NBAS: variants seen among roughly 807,000 people sequenced by gnomAD.
NBAS encodes NAG/BC035112 fusion.
NBAS carries 219 observed loss-of-function variants against 302.5 expected under a neutral mutation model. That is an observed-to-expected ratio of 0.72 (90% CI 0.65 to 0.81). The LOEUF is 0.81. NBAS is among the 30% of genes least tolerant of loss of function. NBAS has a pLI of 0.00. For missense variants in NBAS, 2,932 were observed against 2,841.6 expected (o/e 1.03, Z -0.72); for synonymous variants, 1,118 against 1,021.6 (o/e 1.09, Z -1.80).
At chr2:15,238,379 C>A in intron 45 of NBAS, 89 bp downstream of exon 45, 2 of 1,331,682 alleles carry the variant, frequency 1.5e-6, no homozygotes. Context: ...AGCCTGAAAA[C>A]CCTGTCAAAA....
At chr2:15,501,926 C>G (rs1035814787) in intron 11 of NBAS, among the ~76,000 whole-genome samples, 1 of 152,042 alleles carries the variant, frequency 6.6e-6, no homozygotes, top group African/African-American at 2.4e-5. Flanking sequence ...CCACGCCAGG[C>G]TAAGAGGAGC....
chr2:15,457,681 G>A (rs1679312433), intron 21 of NBAS, among the ~76,000 whole-genome samples: 1 of 152,128 alleles, frequency 6.6e-6, no homozygotes, highest in Non-Finnish European at 1.5e-5. Flanking sequence ...CCCAACCAAT[G>A]GTGCGTGGAA....
chr2:14,873,063 G>C, the NBAS span, among the ~76,000 whole-genome samples: 3 of 152,156 alleles, frequency 2.0e-5, no homozygotes, highest in African/African-American at 4.8e-5. Flanking sequence ...GCCGAGGCTA[G>C]CTCGGGTGGA....
intron 48 of NBAS, among the ~76,000 whole-genome samples, chr2:15,203,593 G>T (rs1332323169): frequency 6.6e-6 from 1 of 151,930 alleles, no homozygotes; most frequent in Non-Finnish European, 1.5e-5. Flanking sequence ...AAAATAGAAT[G>T]ACAAGAACAA....
intron 50 of NBAS, among the ~76,000 whole-genome samples, chr2:15,182,249 T>C (rs1457963003): frequency 6.6e-6 from 1 of 152,244 alleles, no homozygotes; most frequent in Non-Finnish European, 1.5e-5. Context: ...GCAGCTGCTC[T>C]GAGCTGAACA....
intron 42 of NBAS, among the ~76,000 whole-genome samples, chr2:15,281,817 C>T (rs34621545): frequency 0.1 from 15,815 of 152,092 alleles, 1,040 homozygotes; most frequent in Middle Eastern, 0.21. Flanking sequence ...CACTATCAGG[C>T]GTTTCTGACT....
At chr2:14,918,932 G>T in the NBAS span, among the ~76,000 whole-genome samples, 1 of 152,196 alleles carries the variant, frequency 6.6e-6, no homozygotes, top group Admixed American at 6.5e-5. Context: ...AATAGGGATG[G>T]CACAGAGATA....
chr2:15,360,137 T>C (rs954927637), intron 32 of NBAS, among the ~76,000 whole-genome samples: 1 of 152,028 alleles, frequency 6.6e-6, no homozygotes, highest in African/African-American at 2.4e-5. Flanking sequence ...ACATTTACCA[T>C]GGATGGAGTT....
intron 26 of NBAS, among the ~76,000 whole-genome samples, chr2:15,396,911 A>G (rs528778913): frequency 2.0e-5 from 3 of 152,366 alleles, no homozygotes; most frequent in African/African-American, 7.2e-5. Context: ...AGTTTCCATT[A>G]GGATTCCATA....
intron 38 of NBAS, among the ~76,000 whole-genome samples, chr2:15,310,654 G>A (rs1412518321): frequency 6.6e-6 from 1 of 152,156 alleles, no homozygotes; most frequent in Non-Finnish European, 1.5e-5. Context: ...TGGGCATGGG[G>A]GTTCATGCCC....
At chr2:15,244,126 C>T (rs529187799) in intron 44 of NBAS, among the ~76,000 whole-genome samples, 2 of 152,158 alleles carry the variant, frequency 1.3e-5, no homozygotes, top group East Asian at 3.9e-4. Context: ...AACAATATTT[C>T]AAAACAAATG....
At chr2:15,464,741 C>T (rs75820500) in intron 19 of NBAS, among the ~76,000 whole-genome samples, 2,540 of 152,266 alleles carry the variant, frequency 0.017, 38 homozygotes, top group East Asian at 0.059. Flanking sequence ...CAACCTCTGA[C>T]AAAAATTCAA....
chr2:15,052,034 T>C, the NBAS span, among the ~76,000 whole-genome samples: 1 of 152,228 alleles, frequency 6.6e-6, no homozygotes, highest in Non-Finnish European at 1.5e-5. Context: ...AATGGACTTA[T>C]CTCATCTACC....
intron 11 of NBAS, among the ~76,000 whole-genome samples, chr2:15,495,577 T>C (rs965732530): frequency 2.0e-5 from 3 of 152,162 alleles, no homozygotes; most frequent in Non-Finnish European, 2.9e-5. Flanking sequence ...AATTGCATGA[T>C]AAAAGTATAA....
Position 15,483,921 on chromosome 2 carries a change from T to C in NBAS, c.1083+4973A>G, listed in dbSNP as rs149117422. Among the ~76,000 whole-genome samples the C allele has an allele frequency of 1.8e-4, 28 of 152,276 alleles. No individual in the cohort carries two copies. The East Asian group carries it at 4.2e-3, about 23-fold the overall frequency. On this transcript the variant is annotated intron_variant, in intron 12 of 51. Transcript: ENST00000281513. ...AGTTTAAATATCACCATATCATCGA[T>C]TTGAAACTAATCGGTTTGTCTACTT...
chr2:15,076,703 G>GT, the NBAS span, among the ~76,000 whole-genome samples: 1 of 152,174 alleles, frequency 6.6e-6, no homozygotes. Flanking sequence ...TCACCATAAA[G>GT]TGGGCTGGCA....
At chr2:15,351,961 T>A (rs1673380854) in intron 35 of NBAS, 31 bp downstream of exon 35, 4 of 1,536,934 alleles carry the variant, frequency 2.6e-6, no homozygotes, top group Non-Finnish European at 3.6e-6. Flanking sequence ...CTCAGCCACC[T>A]TTCAAACTCC....
At chr2:15,456,053 T>A (rs556770936) in intron 21 of NBAS, among the ~76,000 whole-genome samples, 1 of 152,108 alleles carries the variant, frequency 6.6e-6, no homozygotes, top group African/African-American at 2.4e-5. Flanking sequence ...GAATATAAAA[T>A]GTAAACATTT....
chr2:15,171,355 C>T (rs560609268), intron 51 of NBAS, among the ~76,000 whole-genome samples: 7 of 152,130 alleles, frequency 4.6e-5, no homozygotes, highest in Non-Finnish European at 8.8e-5. Flanking sequence ...AGTAACTGTC[C>T]ATGTGCATAG....
Sources: gnomAD v4.1 joint callset for allele counts (sites outside exome capture counted in the v4.1 genomes callset) on GRCh38, gnomAD v4.1.1 for gene constraint, MANE v1.5 for transcripts, NCBI Gene and HGNC (gene_info 2026-07-23, HGNC 2026-07-21) for gene names.